Variants in MAP3K13 observed in about 807,000 individuals in gnomAD.
MAP3K13 encodes the protein leucine zipper-bearing kinase.
A neutral mutation model predicts 104.0 loss-of-function variants in MAP3K13; 52 were observed. That is an observed-to-expected ratio of 0.50 (90% CI 0.40 to 0.63). The LOEUF is 0.63. MAP3K13 is among the 20% of genes least tolerant of loss of function. MAP3K13 has a pLI of 0.00. For missense variants in MAP3K13, 914 were observed against 1,218.5 expected (o/e 0.75, Z 3.72); for synonymous variants, 394 against 442.2 (o/e 0.89, Z 1.37).
At chr3:185,353,997 T>A (rs1300522180) in intron 2 of MAP3K13, among the ~76,000 whole-genome samples, 1 of 152,034 alleles carries the variant, frequency 6.6e-6, no homozygotes, top group Non-Finnish European at 1.5e-5. Context: ...TAGAGCAAAC[T>A]GCAGCATTAG....
At chr3:185,316,368 G>T (rs570508413) in intron 2 of MAP3K13, among the ~76,000 whole-genome samples, 1 of 151,886 alleles carries the variant, frequency 6.6e-6, no homozygotes, top group African/African-American at 2.4e-5. Context: ...TGGCTGGGTG[G>T]GGTGGCTCAC....
At chr3:185,446,257 C>CCTT (rs1560110491) in intron 4 of MAP3K13, among the ~76,000 whole-genome samples, 1 of 147,468 alleles carries the variant, frequency 6.8e-6, no homozygotes. Context: ...AGCCTCTTAT[C>CCTT]ATTTTTTTTT....
At chr3:185,385,105 T>G (rs1015494432) in intron 1 of MAP3K13, among the ~76,000 whole-genome samples, 8 of 152,176 alleles carry the variant, frequency 5.3e-5, no homozygotes, top group Admixed American at 1.3e-4. Flanking sequence ...TTTGATTAGT[T>G]TTTTAATAAG....
chr3:185,475,255 C>T lies in MAP3K13; in HGVS notation c.2430+1494C>T, dbSNP rs1483602627. On this transcript the variant is annotated intron_variant, in intron 11 of 13. Transcript: ENST00000265026. ...AAAGCATTTAGAACAGGGCCTGGAA[C>T]GTAGCACTTTTCCAAAAGTATTAGC... Among the ~76,000 whole-genome samples the T allele has an allele frequency of 2.6e-5, 4 of 152,208 alleles. No individual in the cohort carries two copies. In the Middle Eastern group the frequency reaches 0.01, roughly 388 times the overall value.
intron 2 of MAP3K13, among the ~76,000 whole-genome samples, chr3:185,343,488 C>G (rs1264353975): frequency 1.3e-5 from 2 of 152,178 alleles, no homozygotes; most frequent in Admixed American, 6.5e-5. Context: ...GCATCTCGCT[C>G]TGTCGCCAGG....
At chr3:185,297,628 G>A (rs768670480) in intron 2 of MAP3K13, among the ~76,000 whole-genome samples, 6 of 151,922 alleles carry the variant, frequency 3.9e-5, no homozygotes, top group Admixed American at 3.3e-4. Flanking sequence ...CCAGCTACTC[G>A]GGAGACTGAG....
chr3:185,384,308 C>CTGTGTG (rs142627913), intron 1 of MAP3K13, among the ~76,000 whole-genome samples: 8,617 of 147,482 alleles, frequency 0.058, 313 homozygotes, highest in African/African-American at 0.092. Context: ...GTATTCCATT[C>CTGTGTG]TGTGTGTGTG....
intron 4 of MAP3K13, 188 bp downstream of exon 4, chr3:185,443,824 G>A (rs542645166): frequency 5.0e-5 from 26 of 516,178 alleles, no homozygotes; most frequent in African/African-American, 1.7e-4. Flanking sequence ...GGGCAGATAC[G>A]TCCAGGTATC....
chr3:185,382,675 C>T (rs1724784695), intron 1 of MAP3K13, among the ~76,000 whole-genome samples: 2 of 151,960 alleles, frequency 1.3e-5, no homozygotes, highest in South Asian at 4.2e-4. Context: ...TGGGTTTTCA[C>T]TCTATTAGTT....
intron 2 of MAP3K13, among the ~76,000 whole-genome samples, chr3:185,323,456 C>T (rs1400819787): frequency 6.6e-6 from 1 of 151,662 alleles, no homozygotes; most frequent in Non-Finnish European, 1.5e-5. Context: ...GCCTCTGCCT[C>T]CCGAGTAGCT....
chr3:185,306,116 C>CT lies in MAP3K13; in HGVS notation c.-86+20480dup, dbSNP rs887089134. Among the ~76,000 whole-genome samples the CT allele has an allele frequency of 6.6e-5, 10 of 152,230 alleles. No homozygotes were observed. In the East Asian group the frequency reaches 1.9e-3, roughly 29 times the overall value. On this transcript the variant is annotated intron_variant, in intron 2 of 14. Transcript: ENST00000424227. ...TTGCTGCAAAGAACATGATTTCATC[C>CT]TTTTTTTATGACTGCATAGCATTTC...
intron 2 of MAP3K13, among the ~76,000 whole-genome samples, chr3:185,437,189 A>AGGAT (rs986258455): frequency 6.6e-6 from 1 of 151,966 alleles, no homozygotes; most frequent in Admixed American, 6.6e-5. Flanking sequence ...CAGGAGTGGT[A>AGGAT]GGATATGTTT....
intron 1 of MAP3K13, among the ~76,000 whole-genome samples, chr3:185,283,898 C>CTTTTTTTTTTTTTTTTT (rs1201384582): frequency 7.8e-6 from 1 of 127,410 alleles, no homozygotes; most frequent in Non-Finnish European, 1.6e-5. Context: ...TTCTTTCTTT[C>CTTTTTTTTTTTTTTTTT]TTTTTTTTTT....
chr3:185,372,353 T>A (rs897176700), intron 1 of MAP3K13, among the ~76,000 whole-genome samples: 1 of 152,186 alleles, frequency 6.6e-6, no homozygotes, highest in Non-Finnish European at 1.5e-5. Context: ...TAGGATTCCT[T>A]CCATCTGTTT....
intron 4 of MAP3K13, among the ~76,000 whole-genome samples, chr3:185,446,970 G>A (rs992831897): frequency 6.6e-6 from 1 of 152,084 alleles, no homozygotes; most frequent in African/African-American, 2.4e-5. Flanking sequence ...TTTCAGAAAG[G>A]TAGTGCACTA....
intron 2 of MAP3K13, among the ~76,000 whole-genome samples, chr3:185,344,596 GC>G (rs749389240): frequency 1.3e-5 from 2 of 151,828 alleles, no homozygotes; most frequent in Non-Finnish European, 2.9e-5. Flanking sequence ...AATCACTTCC[GC>G]CCCCCTTATC....
At position 185,417,556 on chromosome 3, in the gene MAP3K13, G is replaced by T. The variant is rs866440752; in HGVS notation, c.-85-10941G>T. On this transcript the variant is annotated intron_variant, in intron 1 of 13. Coordinates refer to ENST00000265026, the MANE Select transcript of MAP3K13 (RefSeq NM_004721.5). ...CTTTTCTGCAGGCTTCTTTTCAGGG[G>T]CTGGTTTCTTGGTAGCTGCTGCCTT... is the stretch of plus-strand genomic sequence containing the variant. The T allele has an allele frequency of 1.1e-5, 17 of 1,611,026 alleles. No homozygotes were observed. In the Admixed American group the frequency reaches 2.7e-4, roughly 25 times the overall value.
chr3:185,294,118 CTGGGAATTTGA>C (rs1720837859), intron 2 of MAP3K13, among the ~76,000 whole-genome samples: 1 of 152,104 alleles, frequency 6.6e-6, no homozygotes, highest in African/African-American at 2.4e-5. Context: ...GTTAGCATGA[CTGGGAATTTGA>C]TGGTCTCTGG....
intron 2 of MAP3K13, among the ~76,000 whole-genome samples, chr3:185,435,169 A>AC (rs1714963049): frequency 7.1e-6 from 1 of 140,992 alleles, no homozygotes; most frequent in East Asian, 2.1e-4. Context: ...ATGCCTGGCT[A>AC]TTTTTTTTTT....
Sources: allele counts gnomAD v4.1 joint callset (sites outside exome capture counted in the v4.1 genomes callset), GRCh38; gene constraint gnomAD v4.1.1; transcripts MANE v1.5; gene names NCBI Gene and HGNC (gene_info 2026-07-23, HGNC 2026-07-21).